Variants in WDR41 observed in about 807,000 individuals in gnomAD.
The protein encoded by WDR41 is WD repeat domain 41.
A neutral mutation model predicts 69.3 loss-of-function variants in WDR41; 63 were observed. The ratio of observed to expected loss-of-function variants is 0.91; its 90% CI spans 0.74 to 1.12. WDR41 has a LOEUF of 1.12. WDR41 is among the 50% of genes most tolerant of loss of function. WDR41 has a pLI of 0.00. For missense variants in WDR41, 543 were observed against 534.5 expected (o/e 1.02, Z -0.16); for synonymous variants, 185 against 192.1 (o/e 0.96, Z 0.31).
At chr5:77,476,478 G>A (rs900916753) in intron 2 of WDR41, among the ~76,000 whole-genome samples, 4 of 152,128 alleles carry the variant, frequency 2.6e-5, no homozygotes, top group Admixed American at 1.3e-4. Context: ...GGATCTCCTG[G>A]CAGAAACTCT....
intron 1 of WDR41, among the ~76,000 whole-genome samples, chr5:77,521,355 C>G (rs569808996): frequency 6.6e-6 from 1 of 152,358 alleles, no homozygotes; most frequent in South Asian, 2.1e-4. Context: ...GTAATGCCGG[C>G]TCCCATGCCA....
At chr5:77,556,777 A>G (rs1391117914) in intron 1 of WDR41, among the ~76,000 whole-genome samples, 1 of 152,206 alleles carries the variant, frequency 6.6e-6, no homozygotes, top group Non-Finnish European at 1.5e-5. Context: ...TTTATTACAC[A>G]CAATGAGGCT....
intron 1 of WDR41, among the ~76,000 whole-genome samples, chr5:77,530,167 C>T (rs73124401): frequency 0.05 from 7,530 of 151,602 alleles, 311 homozygotes; most frequent in South Asian, 0.13. Context: ...AAAAAGACCA[C>T]CAACCTCAAA....
At chr5:77,532,871 G>C (rs1561216544) in intron 1 of WDR41, among the ~76,000 whole-genome samples, 1 of 151,920 alleles carries the variant, frequency 6.6e-6, no homozygotes, top group African/African-American at 2.4e-5. Flanking sequence ...AGAAAGGAGG[G>C]GATTATGATT....
chr5:77,493,666 C>A (rs1329997234), upstream of WDR41, among the ~76,000 whole-genome samples: 1 of 152,094 alleles, frequency 6.6e-6, no homozygotes, highest in Non-Finnish European at 1.5e-5. Flanking sequence ...GAAGACAGAC[C>A]AAAACAGAGA....
At chr5:77,447,990 T>C (rs1195880969) in intron 8 of WDR41, among the ~76,000 whole-genome samples, 2 of 152,226 alleles carry the variant, frequency 1.3e-5, no homozygotes, top group African/African-American at 4.8e-5. Context: ...CCTTACGAAT[T>C]TGGCAAATGA....
chr5:77,497,965 A>G (rs968815726), intron 1 of WDR41, among the ~76,000 whole-genome samples: 1 of 152,226 alleles, frequency 6.6e-6, no homozygotes, highest in Non-Finnish European at 1.5e-5. Context: ...CCTTGAAAAC[A>G]TATGTTAAGT....
At chr5:77,465,311 AT>A (rs978670193) in intron 2 of WDR41, among the ~76,000 whole-genome samples, 1 of 152,054 alleles carries the variant, frequency 6.6e-6, no homozygotes, top group Non-Finnish European at 1.5e-5. Flanking sequence ...AGATTTGAGG[AT>A]TTTTTAGGGT....
intron 4 of WDR41, 98 bp from the exon 5 acceptor site, chr5:77,459,222 A>G: frequency 2.4e-6 from 2 of 843,688 alleles, no homozygotes; most frequent in South Asian, 1.9e-5. Flanking sequence ...AAGCAGTTAG[A>G]AAATCTTTAA....
intron 8 of WDR41, among the ~76,000 whole-genome samples, chr5:77,441,426 G>C (rs1235563602): frequency 3.3e-5 from 5 of 152,088 alleles, no homozygotes; most frequent in African/African-American, 1.2e-4. Context: ...GGGTGCCAGG[G>C]GAAGAGATCC....
intron 2 of WDR41, among the ~76,000 whole-genome samples, chr5:77,471,770 T>C (rs974261952): frequency 6.6e-6 from 1 of 152,120 alleles, no homozygotes; most frequent in Non-Finnish European, 1.5e-5. Context: ...GGATCTGAAA[T>C]TGACGCAATA....
At chr5:77,462,325 C>G (rs1339914031) in intron 4 of WDR41, among the ~76,000 whole-genome samples, 2 of 147,522 alleles carry the variant, frequency 1.4e-5, no homozygotes, top group Admixed American at 7.0e-5. Context: ...AGGAGAATCG[C>G]TTGAACCCAG....
chr5:77,471,333 T>C (rs978178106), intron 2 of WDR41, among the ~76,000 whole-genome samples: 15 of 152,098 alleles, frequency 9.9e-5, no homozygotes, highest in African/African-American at 1.9e-4. Flanking sequence ...AGGAAAGATC[T>C]AAAATTGACA....
In WDR41 at chr5:77,582,280, G is replaced by A. The variant is rs1743951939; in HGVS notation, c.42+38199C>T. On this transcript the variant is annotated intron_variant, in intron 1 of 5. Coordinates refer to the WDR41 transcript ENST00000509971. ...CTAAAAGACACAAATTACCAACTCT[G>A]GCTCAGCAAGAAAGTAGACAATATG... 3.4e-6 allele frequency: 4 copies of A among 1,193,098 alleles called. No individual in the cohort carries two copies. The African/African-American group carries it at 4.5e-5, about 14-fold the overall frequency. 73.9% of individuals were successfully genotyped at this position (1,193,098 alleles called of 1,614,324 possible).
chr5:77,605,825 A>G (rs1420465098), intron 1 of WDR41, among the ~76,000 whole-genome samples: 1 of 152,146 alleles, frequency 6.6e-6, no homozygotes, highest in African/African-American at 2.4e-5. Flanking sequence ...AAAAAATATG[A>G]TAGGTAAAAA....
chr5:77,615,701 A>AT (rs1160839746), intron 1 of WDR41, among the ~76,000 whole-genome samples: 1 of 150,874 alleles, frequency 6.6e-6, no homozygotes, highest in Non-Finnish European at 1.5e-5. Context: ...AAAAAAAAAA[A>AT]AAAAAAGGCC....
chr5:77,575,165 T>A (rs1743807155), intron 1 of WDR41, among the ~76,000 whole-genome samples: 1 of 152,216 alleles, frequency 6.6e-6, no homozygotes, highest in African/African-American at 2.4e-5. Context: ...TCTAGTGTAA[T>A]GAACATGCTT....
intron 8 of WDR41, among the ~76,000 whole-genome samples, chr5:77,443,249 C>A (rs1026066878): frequency 6.6e-6 from 1 of 152,106 alleles, no homozygotes; most frequent in African/African-American, 2.4e-5. Flanking sequence ...GTATTTTGAG[C>A]CCCTGGTATT....
At chr5:77,528,974 G>A (rs1294812332) in intron 1 of WDR41, among the ~76,000 whole-genome samples, 1 of 151,428 alleles carries the variant, frequency 6.6e-6, no homozygotes, top group Non-Finnish European at 1.5e-5. Context: ...TGTAGAATGA[G>A]ATAAGAATGC....
Sources: allele counts gnomAD v4.1 joint callset (sites outside exome capture counted in the v4.1 genomes callset), GRCh38; gene constraint gnomAD v4.1.1; transcripts MANE v1.5; gene names NCBI Gene and HGNC (gene_info 2026-07-23, HGNC 2026-07-21).